The following FOXJ3 variants were observed in gnomAD, a reference collection of about 807,000 sequenced individuals.
FOXJ3 encodes forkhead box protein J3.
A neutral mutation model predicts 76.1 loss-of-function variants in FOXJ3; 22 were observed. The ratio of observed to expected loss-of-function variants is 0.29; its 90% CI spans 0.21 to 0.41. The LOEUF (loss-of-function observed/expected upper bound fraction) is 0.41, where lower values mean the gene tolerates loss of function less well. Among genes scored for constraint, FOXJ3 ranks in the 10% least tolerant of loss-of-function variants. The pLI is 1.00. For synonymous variants in FOXJ3, 269 were observed against 261.2 expected (o/e 1.03, Z -0.29); for missense variants, 613 against 762.1 (o/e 0.80, Z 2.30).
At chr1:42,270,151 C>G (rs569791017) in intron 3 of FOXJ3, among the ~76,000 whole-genome samples, 1 of 152,076 alleles carries the variant, frequency 6.6e-6, no homozygotes, top group Non-Finnish European at 1.5e-5. Context: ...GATTACTGCC[C>G]CCAGCCTTAC....
chr1:42,263,921 G>A (rs1046895921), intron 4 of FOXJ3, among the ~76,000 whole-genome samples: 3 of 138,476 alleles, frequency 2.2e-5, no homozygotes, highest in Admixed American at 7.4e-5. Flanking sequence ...GACCATATGA[G>A]TAGGTTAACT....
chr1:42,294,807 C>G (rs1194996105), intron 2 of FOXJ3, among the ~76,000 whole-genome samples: 1 of 145,124 alleles, frequency 6.9e-6, no homozygotes, highest in Admixed American at 6.9e-5. Flanking sequence ...GATAGAATGG[C>G]TATGTGTAAG....
intron 3 of FOXJ3, among the ~76,000 whole-genome samples, chr1:42,265,586 G>C (rs964669307): frequency 6.6e-6 from 1 of 152,054 alleles, no homozygotes; most frequent in African/African-American, 2.4e-5. Flanking sequence ...AAGCCAGAAT[G>C]CAAAATGTAA....
At chr1:42,202,447 G>C (rs922599059) in intron 6 of FOXJ3, among the ~76,000 whole-genome samples, 1 of 152,108 alleles carries the variant, frequency 6.6e-6, no homozygotes, top group Non-Finnish European at 1.5e-5. Flanking sequence ...TGAGCTTTGG[G>C]GACAGTTTCA....
At chr1:42,323,168 A>G (rs1655534212) in intron 1 of FOXJ3, among the ~76,000 whole-genome samples, 1 of 152,134 alleles carries the variant, frequency 6.6e-6, no homozygotes, top group South Asian at 2.1e-4. Flanking sequence ...TACCATACAG[A>G]CCAGTGTAAT....
chr1:42,287,095 C>A (rs756098098), intron 2 of FOXJ3, among the ~76,000 whole-genome samples: 1 of 151,994 alleles, frequency 6.6e-6, no homozygotes, highest in African/African-American at 2.4e-5. Flanking sequence ...AATCCCAACA[C>A]TTTGGGAGGC....
At chr1:42,293,796 C>T (rs1163147986) in intron 2 of FOXJ3, among the ~76,000 whole-genome samples, 3 of 152,114 alleles carry the variant, frequency 2.0e-5, no homozygotes, top group Non-Finnish European at 4.4e-5. Context: ...ATAGCTGATA[C>T]ATCATTTTGC....
At chr1:42,272,264 C>T (rs1651918171) in intron 3 of FOXJ3, among the ~76,000 whole-genome samples, 1 of 152,174 alleles carries the variant, frequency 6.6e-6, no homozygotes, top group South Asian at 2.1e-4. Context: ...CACATCCTAT[C>T]GCCTCCATAC....
chr1:42,199,038 T>C (rs1646707756), intron 7 of FOXJ3, 64 bp downstream of exon 7: 8 of 1,295,672 alleles, frequency 6.2e-6, no homozygotes, highest in South Asian at 1.4e-5. Context: ...ATTTCAATTA[T>C]GTTTGGTTTA....
At chr1:42,196,901 C>CA (rs1219748507) in intron 7 of FOXJ3, among the ~76,000 whole-genome samples, 1 of 152,118 alleles carries the variant, frequency 6.6e-6, no homozygotes, top group Non-Finnish European at 1.5e-5. Flanking sequence ...TAAATTACTT[C>CA]AAAAAGCAAC....
intron 2 of FOXJ3, among the ~76,000 whole-genome samples, chr1:42,296,514 G>A (rs985554645): frequency 1.3e-5 from 2 of 152,184 alleles, no homozygotes; most frequent in African/African-American, 4.8e-5. Context: ...TCCTTCTTTT[G>A]CATATGGCTA....
chr1:42,202,630 A>C (rs1038190559), intron 6 of FOXJ3, among the ~76,000 whole-genome samples: 1 of 152,210 alleles, frequency 6.6e-6, no homozygotes, highest in Non-Finnish European at 1.5e-5. Context: ...TACGTATTGT[A>C]GGTTTCTATC....
chr1:42,234,797 A>C (rs1051611717), intron 4 of FOXJ3, among the ~76,000 whole-genome samples: 5 of 152,120 alleles, frequency 3.3e-5, no homozygotes, highest in Non-Finnish European at 5.9e-5. Flanking sequence ...GTGAGGTGTC[A>C]GTGTGCTCCT....
intron 6 of FOXJ3, among the ~76,000 whole-genome samples, chr1:42,204,437 A>G (rs182466022): frequency 1.3e-5 from 2 of 152,234 alleles, no homozygotes; most frequent in Non-Finnish European, 1.5e-5. Flanking sequence ...ATTTGGTCAT[A>G]AAGTCCCATC....
At chr1:42,206,853 T>C (rs1646870523) in intron 5 of FOXJ3, among the ~76,000 whole-genome samples, 1 of 152,094 alleles carries the variant, frequency 6.6e-6, no homozygotes, top group Non-Finnish European at 1.5e-5. Context: ...TTTTTTGGGA[T>C]GGAGTCTCGC....
intron 6 of FOXJ3, among the ~76,000 whole-genome samples, chr1:42,201,060 A>C (rs1046470362): frequency 2.0e-5 from 3 of 152,208 alleles, no homozygotes; most frequent in South Asian, 2.1e-4. Flanking sequence ...GAATGCTAAC[A>C]TAAGTGTTAT....
intron 4 of FOXJ3, among the ~76,000 whole-genome samples, chr1:42,236,059 T>G (rs1648599624): frequency 6.6e-6 from 1 of 152,122 alleles, no homozygotes; most frequent in Non-Finnish European, 1.5e-5. Flanking sequence ...TGAACTGCCA[T>G]TTTAGACAGT....
chr1:42,289,531 A>G (rs770831555), intron 2 of FOXJ3, among the ~76,000 whole-genome samples: 15 of 152,156 alleles, frequency 9.9e-5, no homozygotes, highest in Non-Finnish European at 5.9e-5. Context: ...AAAAGTCTCC[A>G]TAGTGTACAA....
At chr1:42,237,455 T>C (rs549712419) in intron 4 of FOXJ3, among the ~76,000 whole-genome samples, 13 of 146,156 alleles carry the variant, frequency 8.9e-5, no homozygotes, top group African/African-American at 2.8e-4. Flanking sequence ...TATATACACA[T>C]ACATACATAT....
Sources: allele counts gnomAD v4.1 joint callset (sites outside exome capture counted in the v4.1 genomes callset), GRCh38; gene constraint gnomAD v4.1.1; transcripts MANE v1.5; gene names NCBI Gene and HGNC (gene_info 2026-07-23, HGNC 2026-07-21).